Variants in DAAM2 observed in about 807,000 individuals in gnomAD.
DAAM2 encodes the protein disheveled-associated activator of morphogenesis 2.
In DAAM2, 39 loss-of-function variants were observed where a neutral mutation model predicts 120.7. The ratio of observed to expected loss-of-function variants is 0.32; its 90% CI spans 0.25 to 0.42. The LOEUF is 0.42. Among genes scored for constraint, DAAM2 ranks in the 10% least tolerant of loss-of-function variants. The pLI is 1.00. For missense variants in DAAM2, 1,283 were observed against 1,401.7 expected, an observed-to-expected ratio of 0.92 and a Z score of 1.35; for synonymous variants, 488 against 524.9, an observed-to-expected ratio of 0.93 and a Z score of 0.96.
chr6:39,804,912 T>C (rs1212864711), intron 1 of DAAM2, among the ~76,000 whole-genome samples: 1 of 152,190 alleles, frequency 6.6e-6, no homozygotes, highest in Non-Finnish European at 1.5e-5. Flanking sequence ...GAGTCAGGTG[T>C]TGTGGAGTGA....
rs562448237 is a variant in DAAM2, at chr6:39,829,109, A to G, written c.-56-27138A>G. On this transcript the variant is annotated intron_variant, in intron 1 of 24. Coordinates refer to ENST00000274867, the MANE Select transcript of DAAM2 (RefSeq NM_001201427.2). Reference sequence around the variant, plus strand: ...AGAAGCAAGAATGGTTACTGTTTGGATAATTCACCCAGGGACCAGCTTCAC... The same window carrying G: ...AGAAGCAAGAATGGTTACTGTTTGGGTAATTCACCCAGGGACCAGCTTCAC... Among the ~76,000 whole-genome samples the G allele has an allele frequency of 5.9e-5, 9 of 152,362 alleles. No individual in the cohort carries two copies. In the South Asian group the frequency reaches 1.9e-3, roughly 32 times the overall value.
Position 39,898,870 on chromosome 6 carries a change from C to G in DAAM2, c.2619-7C>G. 2 of 1,611,544 alleles carry G rather than the reference C, an allele frequency of 1.2e-6. No individual in the cohort carries two copies. Among genetic ancestry groups the G allele is most frequent in the Non-Finnish European group, 1.7e-6 (2 of 1,178,728 alleles). ...CCTCATTCCCTTCCCTCTGTGTCTC[C>G]TTACAGCCTAGCAGAACTGGAGAAG... is the stretch of plus-strand genomic sequence containing the variant. On this transcript the variant is annotated splice_polypyrimidine_tract_variant and splice_region_variant and intron_variant, in intron 21 of 24. Coordinates refer to ENST00000274867, the MANE Select transcript of DAAM2 (RefSeq NM_001201427.2).
chr6:39,898,761 A>C (rs1248433588), intron 21 of DAAM2, 116 bp from the exon 22 acceptor site: 1 of 850,926 alleles, frequency 1.2e-6, no homozygotes, highest in African/African-American at 1.7e-5. Context: ...GCTGGAACCC[A>C]GGCTCACCGA....
intron 1 of DAAM2, among the ~76,000 whole-genome samples, chr6:39,808,362 C>G (rs1168356401): frequency 6.6e-6 from 1 of 152,156 alleles, no homozygotes; most frequent in Non-Finnish European, 1.5e-5. Context: ...GGACATGGGA[C>G]CAGATAATGT....
chr6:39,904,279 T>C lies in DAAM2; in HGVS notation c.*2242T>C, dbSNP rs746411501. 29 of 456,638 alleles carry C rather than the reference T, an allele frequency of 6.4e-5. No homozygotes were observed. The highest frequency in any genetic ancestry group is 3.9e-4 in the South Asian group (25 of 64,576). 28.3% of individuals were successfully genotyped at this position (456,638 alleles called of 1,614,324 possible). A position where few individuals can be genotyped will look rare whatever the true frequency, so the allele number is the denominator to read the frequency against. On this transcript the variant is annotated 3_prime_UTR_variant, in exon 25 of 25. Coordinates refer to ENST00000274867, the MANE Select transcript of DAAM2 (RefSeq NM_001201427.2). ...CTTCTCACTCTAAAAGAAAGATATT[T>C]TTCTATTTATTTTCTACATCTGGCC...
chr6:39,796,540 C>T (rs1047941139), intron 1 of DAAM2, among the ~76,000 whole-genome samples: 3 of 144,464 alleles, frequency 2.1e-5, no homozygotes, highest in Admixed American at 1.5e-4. Context: ...ACCTGTGCAG[C>T]GTTATGCTAG....
At chr6:39,854,341 A>G (rs1763920225) in intron 1 of DAAM2, among the ~76,000 whole-genome samples, 1 of 152,174 alleles carries the variant, frequency 6.6e-6, no homozygotes, top group Admixed American at 6.5e-5. Flanking sequence ...TTTATTGGCT[A>G]TAGAAATGGG....
chr6:39,894,609 A>G (rs1253991426), intron 19 of DAAM2, among the ~76,000 whole-genome samples: 1 of 145,388 alleles, frequency 6.9e-6, no homozygotes, highest in Non-Finnish European at 1.5e-5. Context: ...TTTGAACTTT[A>G]TTTTTTAAAT....
intron 15 of DAAM2, 120 bp downstream of exon 15, chr6:39,884,189 T>C: frequency 1.6e-6 from 1 of 630,226 alleles, no homozygotes. Flanking sequence ...CCTTCCTCCA[T>C]CTTCCCCTTC....
chr6:39,809,043 G>A (rs1035267618), intron 1 of DAAM2, among the ~76,000 whole-genome samples: 7 of 152,218 alleles, frequency 4.6e-5, no homozygotes, highest in Admixed American at 3.3e-4. Context: ...AGTTTAATGA[G>A]AAGGCTATTT....
At chr6:39,865,600 C>T (rs1461540588) in intron 5 of DAAM2, among the ~76,000 whole-genome samples, 1 of 152,162 alleles carries the variant, frequency 6.6e-6, no homozygotes, top group African/African-American at 2.4e-5. Flanking sequence ...CCTTTCCCTT[C>T]CCAGGCCACA....
In DAAM2 at chr6:39,894,728, C is replaced by T. The variant is rs188981403; in HGVS notation, c.2342-2084C>T. Among the ~76,000 whole-genome samples the T allele has an allele frequency of 3.2e-3, 484 of 152,196 alleles. 1 individual carries two copies. Among genetic ancestry groups the T allele is most frequent in the Non-Finnish European group, 5.5e-3 (372 of 68,014 alleles). The stretch of plus-strand genomic sequence containing the variant: ...CTCTGCCTCCTGGGCTCAAGGTATC[C>T]TCCCATCTCAGCCTCCCAAGTAGCT... On this transcript the variant is annotated intron_variant, in intron 19 of 24. Transcript: ENST00000274867.
At chr6:39,811,403 G>A (rs890543685) in intron 1 of DAAM2, among the ~76,000 whole-genome samples, 3 of 152,102 alleles carry the variant, frequency 2.0e-5, no homozygotes, top group African/African-American at 4.8e-5. Flanking sequence ...GCATCCCTGC[G>A]ATGGAGGGGT....
rs555816817 is a variant in DAAM2, at chr6:39,855,077, T to TA, written c.-56-1165dup. 3.1e-3 allele frequency among the ~76,000 whole-genome samples: 479 copies of TA among 152,320 alleles called. 1 individual carries two copies. The highest frequency in any genetic ancestry group is 4.1e-3 in the Non-Finnish European group (278 of 68,018). ...GCAAACCGATGATACTCAACAGGGA[T>TA]AAAAACAGAATTCCATATTTATGGC... On this transcript the variant is annotated intron_variant, in intron 1 of 24. Coordinates refer to ENST00000274867, the MANE Select transcript of DAAM2 (RefSeq NM_001201427.2).
chr6:39,865,168 C>G, intron 5 of DAAM2, 94 bp downstream of exon 5: 1 of 763,502 alleles, frequency 1.3e-6, no homozygotes. Context: ...TGCTCCCATG[C>G]CGGTCCTCCT....
Position 39,901,207 on chromosome 6 carries a change from TG to T in DAAM2, c.2812-92del. The stretch of plus-strand genomic sequence containing the variant: ...GTGCCAACAGTCCCCAGCCTTGCGC[TG>T]GGCTCTGCTCTGGCTAGAACCCAGC... On this transcript the variant is annotated intron_variant, in intron 23 of 24. Transcript: ENST00000274867. This position sits in a 1 kb window ranked among gnomAD's most constrained non-coding sequence, Gnocchi z 4.5. 1 of 1,170,576 alleles carries T rather than the reference TG, an allele frequency of 8.5e-7. No individual in the cohort carries two copies. The highest frequency in any genetic ancestry group is 1.2e-6 in the Non-Finnish European group (1 of 813,518). The allele number at this position is 1,170,576 out of a possible 1,614,324, so 72.5% of individuals were successfully genotyped here.
intron 1 of DAAM2, among the ~76,000 whole-genome samples, chr6:39,817,087 A>G (rs778955394): frequency 6.6e-6 from 1 of 152,184 alleles, no homozygotes; most frequent in Non-Finnish European, 1.5e-5. Context: ...CAGCAGTGAG[A>G]TCGCACCTTT....
intron 1 of DAAM2, among the ~76,000 whole-genome samples, chr6:39,793,729 G>A (rs1561988302): frequency 6.6e-6 from 1 of 152,180 alleles, no homozygotes; most frequent in Admixed American, 6.5e-5. Context: ...CGGAGAGTAG[G>A]GGAAAAAAGC....
At chr6:39,853,630 T>C (rs1470647121) in intron 1 of DAAM2, among the ~76,000 whole-genome samples, 1 of 152,198 alleles carries the variant, frequency 6.6e-6, no homozygotes, top group African/African-American at 2.4e-5. Context: ...CCTGCTGCCA[T>C]GTCTGATTCC....
Sources: gnomAD v4.1 joint callset for allele counts (sites outside exome capture counted in the v4.1 genomes callset) on GRCh38, gnomAD v4.1.1 for gene constraint, Gnocchi (gnomAD v3.1) non-coding constraint, MANE v1.5 for transcripts, NCBI Gene and HGNC (gene_info 2026-07-23, HGNC 2026-07-21) for gene names.